Variants in RNF213 observed in about 807,000 individuals in gnomAD.
The protein encoded by RNF213 is E3 ubiquitin-protein ligase RNF213.
Under a neutral mutation model 514.4 loss-of-function variants are expected in RNF213, and 341 were observed. That is an observed-to-expected ratio of 0.66 (90% CI 0.61 to 0.73). The LOEUF is 0.73. RNF213 is among the 30% of genes least tolerant of loss of function. The probability of loss-of-function intolerance (pLI) is 0.00; values close to 1 mark genes in which losing one functional copy is unlikely to be tolerated. For missense variants in RNF213, 5,767 were observed against 6,615.6 expected (o/e 0.87, Z 4.45); for synonymous variants, 2,655 against 2,658.2 (o/e 1.00, Z 0.04).
Position 80,272,184 on chromosome 17 carries a change from C to T in RNF213, c.98-1057C>T, listed in dbSNP as rs187850880. Among the ~76,000 whole-genome samples the T allele has an allele frequency of 2.0e-3, 302 of 147,790 alleles. 1 individual carries two copies. The highest frequency in any genetic ancestry group is 7.2e-3 in the African/African-American group (285 of 39,738). On this transcript the variant is annotated intron_variant, in intron 2 of 67. Transcript: ENST00000582970. ...CTGTAATCCCAGCTACTTGGGAGGC[C>T]GAGGCAGGAGAATTGCTTGAACCTG... is the stretch of plus-strand genomic sequence containing the variant.
At chr17:80,366,810 A>G (rs1167951938) in intron 42 of RNF213, among the ~76,000 whole-genome samples, 1 of 152,182 alleles carries the variant, frequency 6.6e-6, no homozygotes, top group Non-Finnish European at 1.5e-5. Context: ...ACAGGAAGGA[A>G]CTCTCCTTGA....
In RNF213 at chr17:80,345,368, G is replaced by A. The variant is rs145806067; in HGVS notation, c.7033G>A (p.Val2345Ile). 10 of 1,613,998 alleles carry A rather than the reference G, an allele frequency of 6.2e-6. No individual in the cohort carries two copies. Among genetic ancestry groups the A allele is most frequent in the Admixed American group, 1.7e-5 (1 of 59,992 alleles). ...HLTGKVIKRDVMTRDLYQGLL... is the reference protein window; with the variant it reads ...HLTGKVIKRDIMTRDLYQGLL... ...GACTGGGAAGGTCATCAAGAGAGAC[G>A]TCATGACCAGGGACCTGTACCAGGG... The change falls in exon 29 of 68, where the codon GTC (valine) becomes ATC (isoleucine). Residue 2345 changes from valine (V) to isoleucine (I), a missense_variant. Coordinates refer to ENST00000582970, the MANE Select transcript of RNF213 (RefSeq NM_001256071.3). This position sits in a 1 kb window ranked among gnomAD's most constrained non-coding sequence, Gnocchi z 6.0.
intron 11 of RNF213, among the ~76,000 whole-genome samples, chr17:80,303,378 G>A (rs1003657649): frequency 3.3e-5 from 5 of 152,048 alleles, no homozygotes; most frequent in South Asian, 2.1e-4. Context: ...TGAAAGAGAC[G>A]CCCCCTCATA....
intron 36 of RNF213, among the ~76,000 whole-genome samples, chr17:80,355,493 G>A (rs1184463670): frequency 4.0e-5 from 4 of 99,566 alleles, no homozygotes; most frequent in Non-Finnish European, 4.4e-5. Context: ...CACAGAGGAA[G>A]AAGCGGGGTG....
At position 80,332,616 on chromosome 17, in the gene RNF213, C is replaced by T. The variant is rs775482959; in HGVS notation, c.4128C>T (p.Asn1376=). The part of the protein sequence containing the change: ...LGLNGDFSVL[N]TLLNFTDNFD... ...TGAACGGTGACTTCAGTGTTCTCAA[C>T]ACTTTACTAAATTTTGTAAGTTATT... Residue 1376 remains asparagine (N), a synonymous_variant, in exon 21 of 68, where the codon AAC becomes AAT. Coordinates refer to ENST00000582970, the MANE Select transcript of RNF213 (RefSeq NM_001256071.3). 8.7e-6 allele frequency: 13 copies of T among 1,496,042 alleles called. No individual in the cohort carries two copies. The highest frequency in any genetic ancestry group is 1.3e-5 in the South Asian group (1 of 77,338). 92.7% of individuals were successfully genotyped at this position (1,496,042 alleles called of 1,614,324 possible).
chr17:80,299,460 A>T (rs1387368855), intron 11 of RNF213, among the ~76,000 whole-genome samples: 2 of 152,206 alleles, frequency 1.3e-5, no homozygotes, highest in Non-Finnish European at 2.9e-5. Flanking sequence ...GAATATTGGC[A>T]ATATATATAA....
chr17:80,319,076 G>GC, intron 16 of RNF213, 114 bp from the exon 17 acceptor site: 2 of 1,603,546 alleles, frequency 1.2e-6, no homozygotes, highest in Non-Finnish European at 1.7e-6. Context: ...GCTTAAAATT[G>GC]GGGGAAACAG....
At chr17:80,278,949 C>T in intron 3 of RNF213, 1 of 1,534,986 alleles carries the variant, frequency 6.5e-7, no homozygotes, top group Non-Finnish European at 8.7e-7. Flanking sequence ...TGCTCCCTGC[C>T]CTGGTGCATG....
At chr17:80,314,227 T>G (rs2045738474) in intron 15 of RNF213, among the ~76,000 whole-genome samples, 1 of 115,884 alleles carries the variant, frequency 8.6e-6, no homozygotes, top group Non-Finnish European at 1.8e-5. Flanking sequence ...ATGGTGGTGG[T>G]GAAGGTGATG....
rs149619342 is a variant in RNF213, at chr17:80,295,616, A to T, written c.1815A>T (p.Lys605Asn). 331 of 1,614,136 alleles carry T rather than the reference A, an allele frequency of 2.1e-4. 1 individual carries two copies. In the African/African-American group the frequency reaches 3.2e-3, roughly 16 times the overall value. ...KKHVVPLPDG[K>N]STDFLPVDCP... ...ACGTGGTACCATTGCCGGACGGAAA[A>T]AGCACGGACTTTTTGCCTGTGGACT... The change falls in exon 10 of 68, where the codon AAA becomes AAT. Residue 605 changes from lysine (K) to asparagine (N), a missense_variant. Physicochemically the swap from Lys to Asn is moderately conservative, Grantham distance 94. This residue lies in a region of RNF213 where 592 missense variants were observed against 673.9 expected (regional missense o/e 0.88). Transcript: ENST00000582970.
chr17:80,390,054 A>G lies in RNF213; in HGVS notation c.15328A>G (p.Ser5110Gly). Residue 5110 changes from serine (S) to glycine (G), a missense_variant, in exon 67 of 68, where the codon AGC (serine) becomes GGC (glycine). Ser to Gly is a moderately conservative substitution (Grantham distance 56). Around this residue, in one of 13 missense-constraint regions of RNF213, gnomAD observed 1,245 missense variants for 1,339.0 expected, o/e 0.93. Transcript: ENST00000582970. ...CAGTTCAAGGTACAAAGCGGATCTGAGCCCGGAAAATGCTAAGCTCCTCAG... is the reference window on the plus strand; with the variant it reads ...CAGTTCAAGGTACAAAGCGGATCTGGGCCCGGAAAATGCTAAGCTCCTCAG... Reference protein sequence around the residue: ...EISSRYKADLSPENAKLLSTF... With the variant: ...EISSRYKADLGPENAKLLSTF... The G allele has an allele frequency of 6.2e-7, 1 of 1,614,236 alleles. No individual in the cohort carries two copies. The highest frequency in any genetic ancestry group is 8.5e-7 in the Non-Finnish European group (1 of 1,180,040).
intron 2 of RNF213, among the ~76,000 whole-genome samples, chr17:80,268,095 A>G (rs181596014): frequency 6.6e-6 from 1 of 152,222 alleles, no homozygotes; most frequent in East Asian, 1.9e-4. Flanking sequence ...TACCGGGGCT[A>G]TAGGCATGAA....
chr17:80,393,271 C>A, intron 67 of RNF213, 74 bp from the exon 68 acceptor site: 1 of 1,242,882 alleles, frequency 8.0e-7, no homozygotes, highest in Non-Finnish European at 1.1e-6. Context: ...GTGAGCCACA[C>A]AGTGCTGGGC....
chr17:80,385,302 A>G, intron 60 of RNF213, 131 bp downstream of exon 60: 1 of 1,185,158 alleles, frequency 8.4e-7, no homozygotes, highest in Non-Finnish European at 1.2e-6. Context: ...AGCCCTTACC[A>G]TGCGGTGAAG....
At chr17:80,323,557 G>A (rs1013950463) in intron 17 of RNF213, among the ~76,000 whole-genome samples, 4 of 151,860 alleles carry the variant, frequency 2.6e-5, no homozygotes, top group African/African-American at 9.7e-5. Context: ...GTTAGACAGA[G>A]TCTCGCCCTG....
Position 80,343,731 on chromosome 17 carries a change from G to T in RNF213, c.6184-126G>T. On this transcript the variant is annotated intron_variant, in intron 27 of 67. Coordinates refer to ENST00000582970, the MANE Select transcript of RNF213 (RefSeq NM_001256071.3). The surrounding 1 kb of genome is among the most constrained non-coding windows in gnomAD (Gnocchi z 4.3). ...GCCCTTGGAGACATGGGCCGTTGTT[G>T]GCTGAAATGTTGATGTTGATCATCA... 1.0e-6 allele frequency: 1 copy of T among 990,908 alleles called. No individual in the cohort carries two copies. Among genetic ancestry groups the T allele is most frequent in the Non-Finnish European group, 1.6e-6 (1 of 615,390 alleles). The allele number at this position is 990,908 out of a possible 1,614,324, so 61.4% of individuals were successfully genotyped here. A position where few individuals can be genotyped will look rare whatever the true frequency, so the allele number is the denominator to read the frequency against.
rs2043485512 is a variant in RNF213 at position 80,263,186 on chromosome 17, A to G, written c.-108-388A>G. On this transcript the variant is annotated intron_variant, in intron 1 of 67. Transcript: ENST00000582970. The surrounding 1 kb of genome is among the most constrained non-coding windows in gnomAD (Gnocchi z 4.9). ...TGGCAGCCTCCCCCCATTACTAGGA[A>G]TCTGACTGCCAGCCCAGTAGCCCTG... 6.6e-6 allele frequency among the ~76,000 whole-genome samples: 1 copy of G among 152,104 alleles called. No homozygotes were observed.
intron 22 of RNF213, among the ~76,000 whole-genome samples, chr17:80,334,581 A>G (rs1286596587): frequency 6.6e-6 from 1 of 150,592 alleles, no homozygotes; most frequent in Admixed American, 6.6e-5. Flanking sequence ...GTAGATTTTT[A>G]CTGGAGGACA....
Position 80,325,042 on chromosome 17 carries a change from A to G in RNF213, c.3037A>G (p.Ile1013Val). Residue 1013 changes from isoleucine to valine, a missense_variant, in exon 18 of 68, where the codon ATC becomes GTC. By Grantham distance (29) the Ile-to-Val change is conservative. This residue lies in a region of RNF213 where 516 missense variants were observed against 566.5 expected (regional missense o/e 0.91). Coordinates refer to ENST00000582970, the MANE Select transcript of RNF213 (RefSeq NM_001256071.3). ...AATTTTCTTGTAGTCTCAGACCAGT[A>G]TCCTTCAGGGGTTCTCTTACTCTGA... ...VSSACQSQTS[I>V]LQGFSYSDLR... The G allele has an allele frequency of 1.3e-6, 2 of 1,537,176 alleles. No homozygotes were observed. The highest frequency in any genetic ancestry group is 8.7e-7 in the Non-Finnish European group (1 of 1,146,862).
Sources: gnomAD v4.1 joint callset for allele counts (sites outside exome capture counted in the v4.1 genomes callset) on GRCh38, gnomAD v4.1.1 for gene constraint, gnomAD v4.1.1 regional missense constraint, Gnocchi (gnomAD v3.1) non-coding constraint, MANE v1.5 for transcripts, NCBI Gene and HGNC (gene_info 2026-07-23, HGNC 2026-07-21) for gene names.